The following LYPLAL1 variants were observed in gnomAD, a reference collection of about 807,000 sequenced individuals.
LYPLAL1 encodes lysophospholipase-like protein 1.
In LYPLAL1, 23 loss-of-function variants were observed where a neutral mutation model predicts 19.7. The ratio of observed to expected loss-of-function variants is 1.17; its 90% CI spans 0.84 to 1.65. LYPLAL1 has a LOEUF of 1.65. LYPLAL1 is among the 40% of genes most tolerant of loss of function. The probability of loss-of-function intolerance (pLI) is 0.00; values close to 1 mark genes in which losing one functional copy is unlikely to be tolerated. For missense variants in LYPLAL1, 355 were observed against 279.4 expected (o/e 1.27, Z -1.93); for synonymous variants, 119 against 96.3 (o/e 1.24, Z -1.38).
intron 1 of LYPLAL1, among the ~76,000 whole-genome samples, chr1:219,177,732 A>G (rs187919985): frequency 6.6e-6 from 1 of 152,320 alleles, no homozygotes; most frequent in Non-Finnish European, 1.5e-5. Context: ...CTAAGCATGA[A>G]CAGTAGTTTC....
the LYPLAL1 span, among the ~76,000 whole-genome samples, chr1:219,404,952 C>A: frequency 2.6e-5 from 4 of 152,110 alleles, no homozygotes; most frequent in Non-Finnish European, 5.9e-5. Context: ...AAAGCAACTC[C>A]CCATCCATTG....
chr1:219,291,994 T>G, the LYPLAL1 span, among the ~76,000 whole-genome samples: 1 of 152,206 alleles, frequency 6.6e-6, no homozygotes, highest in Non-Finnish European at 1.5e-5. Flanking sequence ...CCCAGGCACT[T>G]ATGAATATAT....
the LYPLAL1 span, among the ~76,000 whole-genome samples, chr1:219,230,854 G>C: frequency 2.6e-5 from 4 of 152,182 alleles, no homozygotes; most frequent in African/African-American, 9.7e-5. Flanking sequence ...TCTAGCCCAA[G>C]AGCTGAATTC....
chr1:219,309,000 G>A, the LYPLAL1 span, among the ~76,000 whole-genome samples: 1 of 152,182 alleles, frequency 6.6e-6, no homozygotes, highest in African/African-American at 2.4e-5. Flanking sequence ...CCAGCCAGGA[G>A]GGAGGCTACA....
the LYPLAL1 span, among the ~76,000 whole-genome samples, chr1:219,435,658 G>A: frequency 6.6e-6 from 1 of 151,946 alleles, no homozygotes; most frequent in East Asian, 1.9e-4. Flanking sequence ...AACCCCGTCT[G>A]TACTAAAAAT....
chr1:219,229,239 G>T, the LYPLAL1 span, among the ~76,000 whole-genome samples: 1 of 151,092 alleles, frequency 6.6e-6, no homozygotes, highest in Admixed American at 6.6e-5. Context: ...GCGGGGAAGG[G>T]TGTGGTCCCT....
At chr1:219,294,961 GGTGA>G in the LYPLAL1 span, among the ~76,000 whole-genome samples, 2 of 152,068 alleles carry the variant, frequency 1.3e-5, no homozygotes, top group Non-Finnish European at 2.9e-5. Flanking sequence ...CTGAACCTTG[GGTGA>G]GGCAGCTTCT....
At chr1:219,354,149 A>C in the LYPLAL1 span, among the ~76,000 whole-genome samples, 8 of 152,236 alleles carry the variant, frequency 5.3e-5, no homozygotes, top group African/African-American at 1.4e-4. Flanking sequence ...CAGTCTCACA[A>C]GCAAAGAAGT....
At chr1:219,399,524 C>A in the LYPLAL1 span, among the ~76,000 whole-genome samples, 6 of 152,108 alleles carry the variant, frequency 3.9e-5, no homozygotes, top group Admixed American at 1.3e-4. Flanking sequence ...TCTACCCATG[C>A]GCTGGCGAAG....
At chr1:219,266,362 T>C in the LYPLAL1 span, among the ~76,000 whole-genome samples, 1 of 152,278 alleles carries the variant, frequency 6.6e-6, no homozygotes, top group East Asian at 1.9e-4. Context: ...GGGTCATCAA[T>C]ATCACTGTCT....
chr1:219,211,425 C>G, intron 4 of LYPLAL1, 67 bp from the exon 5 acceptor site: 3 of 1,106,560 alleles, frequency 2.7e-6, no homozygotes, highest in Non-Finnish European at 3.9e-6. Flanking sequence ...CCTGTTCTCT[C>G]TGATTTCTAA....
At chr1:219,394,657 G>A in the LYPLAL1 span, among the ~76,000 whole-genome samples, 1 of 152,112 alleles carries the variant, frequency 6.6e-6, no homozygotes, top group East Asian at 1.9e-4. Flanking sequence ...TAAGTCCAGG[G>A]GTATATGTGC....
At chr1:219,322,831 T>C in the LYPLAL1 span, among the ~76,000 whole-genome samples, 1 of 152,236 alleles carries the variant, frequency 6.6e-6, no homozygotes. Flanking sequence ...GCTTAAATAC[T>C]GCAGTAAAGG....
chr1:219,425,395 GC>G, the LYPLAL1 span, among the ~76,000 whole-genome samples: 1 of 152,222 alleles, frequency 6.6e-6, no homozygotes, highest in African/African-American at 2.4e-5. Flanking sequence ...TAGTGGCAGA[GC>G]TTTGATTCAA....
chr1:219,408,399 G>T, the LYPLAL1 span, among the ~76,000 whole-genome samples: 1 of 152,126 alleles, frequency 6.6e-6, no homozygotes, highest in Non-Finnish European at 1.5e-5. Flanking sequence ...GGGTTTGCCT[G>T]GAGGAAGTGG....
the LYPLAL1 span, among the ~76,000 whole-genome samples, chr1:219,266,730 TG>T: frequency 6.6e-6 from 1 of 152,180 alleles, no homozygotes; most frequent in Non-Finnish European, 1.5e-5. Flanking sequence ...TTATAATGGC[TG>T]AGTCACTTAA....
At chr1:219,317,932 A>T in the LYPLAL1 span, among the ~76,000 whole-genome samples, 1 of 152,160 alleles carries the variant, frequency 6.6e-6, no homozygotes, top group African/African-American at 2.4e-5. Context: ...CTGTAGGTCC[A>T]GTTGTCAACA....
At chr1:219,286,402 TATG>T in the LYPLAL1 span, among the ~76,000 whole-genome samples, 1 of 152,228 alleles carries the variant, frequency 6.6e-6, no homozygotes, top group Non-Finnish European at 1.5e-5. Context: ...TCCTTGCTCG[TATG>T]ATATGAAAAC....
At chr1:219,327,333 G>T in the LYPLAL1 span, among the ~76,000 whole-genome samples, 1 of 152,080 alleles carries the variant, frequency 6.6e-6, no homozygotes, top group African/African-American at 2.4e-5. Context: ...GTATTCTACT[G>T]GCCCAAGCAG....
Sources: allele counts gnomAD v4.1 joint callset (sites outside exome capture counted in the v4.1 genomes callset), GRCh38; gene constraint gnomAD v4.1.1; transcripts MANE v1.5; gene names NCBI Gene and HGNC (gene_info 2026-07-23, HGNC 2026-07-21).